The following TTC28 variants were observed in gnomAD, a reference collection of about 807,000 sequenced individuals.
The protein encoded by TTC28 is tetratricopeptide repeat domain 28, also known as tetratricopeptide repeat protein 28.
TTC28 carries 61 observed loss-of-function variants against 198.0 expected under a neutral mutation model. The observed-to-expected ratio is 0.31, with a 90% CI of 0.25 to 0.38. The LOEUF (loss-of-function observed/expected upper bound fraction) is 0.38, where lower values mean the gene tolerates loss of function less well. TTC28 is among the 10% of genes least tolerant of loss of function. TTC28 has a pLI of 1.00. For synonymous variants in TTC28, 1,171 were observed against 1,297.8 expected (o/e 0.90, Z 2.10); for missense variants, 2,678 against 3,164.0 (o/e 0.85, Z 3.69).
intron 2 of TTC28, among the ~76,000 whole-genome samples, chr22:28,384,712 A>G (rs2046548218): frequency 6.6e-6 from 1 of 152,198 alleles, no homozygotes; most frequent in Non-Finnish European, 1.5e-5. Flanking sequence ...ATACTCCATT[A>G]CATCTCTCCA....
chr22:28,146,315 T>C (rs1258037433), intron 6 of TTC28, among the ~76,000 whole-genome samples: 1 of 152,246 alleles, frequency 6.6e-6, no homozygotes, highest in African/African-American at 2.4e-5. Context: ...AGAACGATCA[T>C]GAAAACGCTT....
intron 2 of TTC28, among the ~76,000 whole-genome samples, chr22:28,539,548 A>G (rs1279474218): frequency 1.3e-5 from 2 of 151,762 alleles, no homozygotes; most frequent in Non-Finnish European, 2.9e-5. Context: ...AGGCGTGAGG[A>G]TTGCTTGAGC....
At chr22:28,161,235 T>TA (rs1442735445) in intron 6 of TTC28, among the ~76,000 whole-genome samples, 1 of 152,126 alleles carries the variant, frequency 6.6e-6, no homozygotes, top group African/African-American at 2.4e-5. Flanking sequence ...GCTTGTAATA[T>TA]AAAAAACAAA....
In TTC28 at chr22:28,099,012, G is replaced by A. The variant is rs969775549; in HGVS notation, c.3450C>T (p.Ile1150=). ...LYRASALFET[I]RHEAQLSTDY... ...CCGTGCTCAGCTGTGCCTCATGTCG[G>A]ATTGTTTCAAACAAGGCTGATGCCC... Residue 1150 remains isoleucine (I), a synonymous_variant, in exon 10 of 23, where the codon ATC becomes ATT. Transcript: ENST00000397906. 3.2e-6 allele frequency: 5 copies of A among 1,552,016 alleles called. No individual in the cohort carries two copies. The Admixed American group carries it at 7.8e-5, about 24-fold the overall frequency.
intron 2 of TTC28, among the ~76,000 whole-genome samples, chr22:28,611,584 T>C (rs1272588375): frequency 6.7e-6 from 1 of 149,034 alleles, no homozygotes; most frequent in East Asian, 2.0e-4. Context: ...TGTATACATG[T>C]GCCATGCTGG....
intron 13 of TTC28, among the ~76,000 whole-genome samples, chr22:28,023,604 G>A (rs1938701140): frequency 6.6e-6 from 1 of 152,200 alleles, no homozygotes; most frequent in Non-Finnish European, 1.5e-5. Flanking sequence ...AAACCTGTGG[G>A]GTCGAATTCA....
chr22:28,468,227 C>A (rs1434244042), intron 2 of TTC28, among the ~76,000 whole-genome samples: 1 of 152,002 alleles, frequency 6.6e-6, no homozygotes, highest in Admixed American at 6.5e-5. Flanking sequence ...TGAATGGATC[C>A]CTGCAGCACG....
At chr22:28,214,757 T>C (rs1342299004) in intron 5 of TTC28, among the ~76,000 whole-genome samples, 1 of 152,210 alleles carries the variant, frequency 6.6e-6, no homozygotes, top group African/African-American at 2.4e-5. Flanking sequence ...AGAAATACCA[T>C]TTGATCCAGC....
chr22:28,318,812 C>CTTTTTTTT (rs71316836), intron 2 of TTC28, among the ~76,000 whole-genome samples: 2 of 61,334 alleles, frequency 3.3e-5, no homozygotes, highest in African/African-American at 6.5e-5. Flanking sequence ...GAAGTGTATT[C>CTTTTTTTT]TTTTTTTTTT....
chr22:28,095,058 C>T (rs2146859931), intron 11 of TTC28, among the ~76,000 whole-genome samples: 1 of 152,252 alleles, frequency 6.6e-6, no homozygotes, highest in South Asian at 2.1e-4. Context: ...CAAGATGTAA[C>T]AACCACAGAG....
chr22:28,359,906 G>T (rs896099874), intron 2 of TTC28, among the ~76,000 whole-genome samples: 2 of 151,966 alleles, frequency 1.3e-5, no homozygotes, highest in African/African-American at 4.8e-5. Flanking sequence ...CAATATACAT[G>T]ACATTATAAA....
chr22:28,567,212 T>A (rs2049983657), intron 2 of TTC28, among the ~76,000 whole-genome samples: 2 of 116,444 alleles, frequency 1.7e-5, no homozygotes, highest in Non-Finnish European at 3.4e-5. Context: ...CAAGACTCCA[T>A]CTCGGAAAAA....
In TTC28 at chr22:28,469,713, G is replaced by C. The variant is rs1389290043; in HGVS notation, c.381+159839C>G. On this transcript the variant is annotated intron_variant, in intron 2 of 22. Transcript: ENST00000397906. Reference sequence around the variant, plus strand: ...AGGCAAGGAAACACATTCTCTCCTAGAGCCTCCAGAGGGAACACAGCCCTG... The same window carrying C: ...AGGCAAGGAAACACATTCTCTCCTACAGCCTCCAGAGGGAACACAGCCCTG... Among the ~76,000 whole-genome samples, 3 of 152,214 alleles carry C rather than the reference G, an allele frequency of 2.0e-5. No individual in the cohort carries two copies. The East Asian group carries it at 5.8e-4, about 29-fold the overall frequency.
At chr22:28,383,700 C>T (rs2046530965) in intron 2 of TTC28, among the ~76,000 whole-genome samples, 1 of 152,172 alleles carries the variant, frequency 6.6e-6, no homozygotes, top group Non-Finnish European at 1.5e-5. Flanking sequence ...CTAGAACGCA[C>T]CTTTTCACCA....
At chr22:28,336,867 C>A (rs2045730808) in intron 2 of TTC28, among the ~76,000 whole-genome samples, 1 of 152,066 alleles carries the variant, frequency 6.6e-6, no homozygotes, top group Non-Finnish European at 1.5e-5. Context: ...TTAGTTATTT[C>A]TTGCCTTCTG....
At chr22:28,084,097 C>A (rs1941469347) in intron 12 of TTC28, among the ~76,000 whole-genome samples, 1 of 152,342 alleles carries the variant, frequency 6.6e-6, no homozygotes, top group South Asian at 2.1e-4. Context: ...AGGGCACAGA[C>A]AAACAAAAGA....
At chr22:28,298,653 G>A (rs746448823) in intron 3 of TTC28, among the ~76,000 whole-genome samples, 2 of 152,020 alleles carry the variant, frequency 1.3e-5, no homozygotes, top group Non-Finnish European at 2.9e-5. Flanking sequence ...GTCTCATTAG[G>A]TTGCTCAGGC....
intron 1 of TTC28, among the ~76,000 whole-genome samples, chr22:28,659,260 G>T (rs2051705633): frequency 6.6e-6 from 1 of 152,196 alleles, no homozygotes; most frequent in South Asian, 2.1e-4. Flanking sequence ...ACAAGGGTAA[G>T]AAACGGACTC....
At chr22:28,297,244 C>T (rs2044917380) in intron 4 of TTC28, among the ~76,000 whole-genome samples, 1 of 152,008 alleles carries the variant, frequency 6.6e-6, no homozygotes. Context: ...CAGGGTTTTG[C>T]TCTGTTGCCC....
Sources: gnomAD v4.1 joint callset for allele counts (sites outside exome capture counted in the v4.1 genomes callset) on GRCh38, gnomAD v4.1.1 for gene constraint, MANE v1.5 for transcripts, NCBI Gene and HGNC (gene_info 2026-07-23, HGNC 2026-07-21) for gene names.